C11orf65: variants seen among roughly 807,000 people sequenced by gnomAD.
C11orf65 encodes the protein protein MFI.
A neutral mutation model predicts 35.3 loss-of-function variants in C11orf65; 38 were observed. That is an observed-to-expected ratio of 1.08 (90% CI 0.83 to 1.41). The LOEUF (loss-of-function observed/expected upper bound fraction) is 1.41. Among genes scored for constraint, C11orf65 ranks in the 40% most tolerant of loss-of-function variants. C11orf65 has a pLI of 0.00. For missense variants in C11orf65, 370 were observed against 367.1 expected, an observed-to-expected ratio of 1.01 and a Z score of -0.06; for synonymous variants, 105 against 114.4, an observed-to-expected ratio of 0.92 and a Z score of 0.53.
intron 6 of C11orf65, among the ~76,000 whole-genome samples, chr11:108,313,727 G>A (rs1167958693): frequency 3.9e-5 from 6 of 152,248 alleles, no homozygotes; most frequent in South Asian, 2.1e-4. Flanking sequence ...TTGATTTCAC[G>A]TTATGAATAG....
chr11:108,435,594 C>T (rs538959415), intron 2 of C11orf65, among the ~76,000 whole-genome samples: 2 of 152,162 alleles, frequency 1.3e-5, no homozygotes, highest in East Asian at 3.9e-4. Context: ...GGAACCACAA[C>T]CAGCTGAAGT....
Position 108,317,652 on chromosome 11 carries a change from T to TAC in C11orf65, c.641-8583_641-8582dup, listed in dbSNP as rs1181493043. On this transcript the variant is annotated intron_variant, in intron 6 of 6. Coordinates refer to the C11orf65 transcript ENST00000525729. ...ATATATATATATATATATATATATA[T>TAC]ACACACACACACACACACACACTAT... The TAC allele has an allele frequency of 3.1e-3, 366 of 118,244 alleles. 5 individuals are homozygous for TAC. The highest frequency in any genetic ancestry group is 4.5e-3 in the East Asian group (19 of 4,228). The allele number at this position is 118,244 out of a possible 1,614,324, so 7.3% of individuals were successfully genotyped here.
intron 3 of C11orf65, among the ~76,000 whole-genome samples, chr11:108,430,852 T>C (rs1468057980): frequency 7.9e-6 from 1 of 126,382 alleles, no homozygotes. Context: ...CTTAAAAAAA[T>C]AAATAAATAA....
intron 2 of C11orf65, among the ~76,000 whole-genome samples, chr11:108,446,657 G>A (rs1294571652): frequency 3.4e-4 from 52 of 152,010 alleles, no homozygotes; most frequent in Admixed American, 1.2e-3. Context: ...AGGAACAACC[G>A]GTACCAGCCA....
chr11:108,324,539 G>C (rs2085469102), intron 6 of C11orf65, among the ~76,000 whole-genome samples: 1 of 152,050 alleles, frequency 6.6e-6, no homozygotes, highest in Admixed American at 6.6e-5. Context: ...CAAAAAGTTT[G>C]AGACCTGCTG....
Position 108,335,192 on chromosome 11 carries a change from G to A in C11orf65, c.299+28C>T, listed in dbSNP as rs755987673. 2.7e-5 allele frequency: 44 copies of A among 1,601,002 alleles called. No individual in the cohort carries two copies. In the Middle Eastern group the frequency reaches 1.3e-3, roughly 48 times the overall value. On this transcript the variant is annotated intron_variant, in intron 3 of 3. Transcript: ENST00000524755. ...TCATATTTTCTTTCTGCTTTATTTGGGATTTTGTCTTTATTTTGAATACTT... is the reference window on the plus strand; with the variant it reads ...TCATATTTTCTTTCTGCTTTATTTGAGATTTTGTCTTTATTTTGAATACTT...
intron 2 of C11orf65, among the ~76,000 whole-genome samples, chr11:108,373,117 T>C (rs958879608): frequency 1.3e-5 from 2 of 151,820 alleles, no homozygotes; most frequent in African/African-American, 4.8e-5. Context: ...TAAAGACCAA[T>C]ATCCTCCATG....
exon 7 of C11orf65, chr11:108,308,553 A>C: frequency 5.3e-6 from 1 of 187,104 alleles, no homozygotes; most frequent in East Asian, 1.4e-4. Flanking sequence ...AGAAATTGCT[A>C]GAATGGATGG....
At chr11:108,343,941 T>C (rs992153929) in intron 2 of C11orf65, among the ~76,000 whole-genome samples, 1 of 152,238 alleles carries the variant, frequency 6.6e-6, no homozygotes, top group Non-Finnish European at 1.5e-5. Context: ...GTTTTCTGTC[T>C]ACCAGGTACT....
intron 2 of C11orf65, chr11:108,347,231 A>T: frequency 7.3e-7 from 1 of 1,360,718 alleles, no homozygotes; most frequent in Non-Finnish European, 1.1e-6. Context: ...ATATATTAGA[A>T]AGAGATGGAA....
At chr11:108,469,601 T>C (rs1228021880), upstream of C11orf65, among the ~76,000 whole-genome samples, 2 of 152,048 alleles carry the variant, frequency 1.3e-5, no homozygotes, top group Non-Finnish European at 2.9e-5. Context: ...TTAAAAAGTA[T>C]TTACAATAGT....
chr11:108,398,274 A>G (rs938375641), intron 6 of C11orf65, among the ~76,000 whole-genome samples: 1 of 152,224 alleles, frequency 6.6e-6, no homozygotes, highest in African/African-American at 2.4e-5. Context: ...AGAAAAGATC[A>G]GATTTGGGAG....
intron 6 of C11orf65, among the ~76,000 whole-genome samples, chr11:108,322,295 T>C (rs548249247): frequency 1.8e-4 from 27 of 152,038 alleles, no homozygotes; most frequent in Non-Finnish European, 3.8e-4. Flanking sequence ...GCTGGGATTA[T>C]AGGTGCCCCG....
At chr11:108,460,784 G>A (rs370920100) in intron 2 of C11orf65, among the ~76,000 whole-genome samples, 2 of 152,048 alleles carry the variant, frequency 1.3e-5, no homozygotes, top group South Asian at 2.1e-4. Flanking sequence ...GAAGTGCAAT[G>A]GCGTGATCTC....
chr11:108,461,866 C>T (rs1403837652), intron 1 of C11orf65, among the ~76,000 whole-genome samples: 2 of 151,818 alleles, frequency 1.3e-5, no homozygotes, highest in Non-Finnish European at 2.9e-5. Flanking sequence ...CAAACACCTT[C>T]TGGCTTGGCC....
intron 3 of C11orf65, among the ~76,000 whole-genome samples, chr11:108,417,969 A>T (rs2092763842): frequency 2.4e-3 from 1 of 420 alleles, no homozygotes; most frequent in Non-Finnish European, 0.017. Flanking sequence ...TGATTTGTTA[A>T]AAAAAAAAAA....
intron 3 of C11orf65, among the ~76,000 whole-genome samples, chr11:108,412,389 A>G (rs1399694805): frequency 2.0e-5 from 3 of 152,230 alleles, no homozygotes; most frequent in Non-Finnish European, 4.4e-5. Context: ...ATAACTTTAA[A>G]TGTCAATGAT....
chr11:108,395,913 G>A (rs964797517), intron 6 of C11orf65, among the ~76,000 whole-genome samples: 4 of 151,704 alleles, frequency 2.6e-5, no homozygotes, highest in African/African-American at 7.3e-5. Flanking sequence ...GAGCCACCGC[G>A]CCCAGCCAAA....
chr11:108,455,474 G>A (rs974606842), intron 2 of C11orf65, among the ~76,000 whole-genome samples: 3 of 152,134 alleles, frequency 2.0e-5, no homozygotes, highest in Non-Finnish European at 2.9e-5. Flanking sequence ...AAGTAAAACT[G>A]TCATCATTCA....
Sources: gnomAD v4.1 joint callset for allele counts (sites outside exome capture counted in the v4.1 genomes callset) on GRCh38, gnomAD v4.1.1 for gene constraint, MANE v1.5 for transcripts, NCBI Gene and HGNC (gene_info 2026-07-23, HGNC 2026-07-21) for gene names.